Variants in CAST observed in about 807,000 individuals in gnomAD.
The protein encoded by CAST is calpastatin, also known as MIR583 host.
Under a neutral mutation model 119.6 loss-of-function variants are expected in CAST, and 76 were observed. The ratio of observed to expected loss-of-function variants is 0.64; its 90% confidence interval spans 0.53 to 0.77. The LOEUF (loss-of-function observed/expected upper bound fraction) is 0.77. Ranked by LOEUF, CAST falls within the 30% of genes least tolerant of loss-of-function variation. The probability of loss-of-function intolerance (pLI) is 0.00; values close to 1 mark genes in which losing one functional copy is unlikely to be tolerated. For missense variants in CAST, 953 were observed against 946.5 expected (o/e 1.01, Z -0.09); for synonymous variants, 319 against 331.6 (o/e 0.96, Z 0.41).
At chr5:96,664,717 C>A (rs1343885326) in intron 1 of CAST, among the ~76,000 whole-genome samples, 1 of 152,168 alleles carries the variant, frequency 6.6e-6, no homozygotes, top group East Asian at 1.9e-4. Flanking sequence ...ATTTAAAAGT[C>A]AAAATGTCAT....
At chr5:96,569,865 C>T (rs968158966) in intron 1 of CAST, among the ~76,000 whole-genome samples, 2 of 152,190 alleles carry the variant, frequency 1.3e-5, no homozygotes, top group Non-Finnish European at 2.9e-5. Flanking sequence ...CACATTTCTC[C>T]TGTGAGTCAG....
At chr5:96,749,077 T>C (rs1162373137) in intron 19 of CAST, among the ~76,000 whole-genome samples, 1 of 152,230 alleles carries the variant, frequency 6.6e-6, no homozygotes, top group Non-Finnish European at 1.5e-5. Flanking sequence ...CCTACCAAAC[T>C]GTGTCCCTGT....
chr5:96,088,603 C>A, the CAST span, among the ~76,000 whole-genome samples: 4 of 152,186 alleles, frequency 2.6e-5, no homozygotes, highest in Non-Finnish European at 4.4e-5. Context: ...GCAAATCCAT[C>A]AGGGATTTAT....
the CAST span, among the ~76,000 whole-genome samples, chr5:96,216,251 T>C: frequency 4.6e-5 from 7 of 152,154 alleles, no homozygotes; most frequent in Non-Finnish European, 1.0e-4. Flanking sequence ...CAGTTAAGTT[T>C]TGGGGGAGTC....
At chr5:96,014,031 A>AT in the CAST span, among the ~76,000 whole-genome samples, 1 of 152,024 alleles carries the variant, frequency 6.6e-6, no homozygotes, top group Non-Finnish European at 1.5e-5. Context: ...TAAACTTTTA[A>AT]TTTTTTTAAC....
At chr5:96,466,849 T>C in the CAST span, among the ~76,000 whole-genome samples, 1 of 152,126 alleles carries the variant, frequency 6.6e-6, no homozygotes, top group Non-Finnish European at 1.5e-5. Flanking sequence ...GCTGGAGGTA[T>C]AGATTTCTAG....
chr5:96,638,215 G>A (rs1156524266), intron 1 of CAST, among the ~76,000 whole-genome samples: 1 of 151,860 alleles, frequency 6.6e-6, no homozygotes, highest in African/African-American at 2.4e-5. Context: ...AGGTCAGCCT[G>A]GCCAACATTG....
intron 1 of CAST, among the ~76,000 whole-genome samples, chr5:96,570,677 T>C (rs1580829278): frequency 6.6e-6 from 1 of 152,308 alleles, no homozygotes; most frequent in South Asian, 2.1e-4. Flanking sequence ...CCTTGTAGCA[T>C]TTTTCCAAGC....
At chr5:96,264,728 A>G in the CAST span, among the ~76,000 whole-genome samples, 19 of 152,346 alleles carry the variant, frequency 1.2e-4, no homozygotes, top group African/African-American at 3.8e-4. Flanking sequence ...CATAAATAGC[A>G]TACACATGAC....
chr5:96,595,154 A>T (rs995268450), intron 1 of CAST, among the ~76,000 whole-genome samples: 8 of 152,204 alleles, frequency 5.3e-5, no homozygotes, highest in Non-Finnish European at 1.2e-4. Context: ...AGTGCAGAGG[A>T]TCAGAGCTGG....
At chr5:96,712,909 C>G (rs1026835968) in intron 3 of CAST, among the ~76,000 whole-genome samples, 2 of 152,278 alleles carry the variant, frequency 1.3e-5, no homozygotes, top group Admixed American at 1.3e-4. Flanking sequence ...ATGTTTGGCT[C>G]TGTCTTAAGA....
At chr5:96,119,777 T>A in the CAST span, among the ~76,000 whole-genome samples, 2 of 152,166 alleles carry the variant, frequency 1.3e-5, no homozygotes, top group African/African-American at 4.8e-5. Context: ...GTAGTAGATA[T>A]GTGTTATGTA....
intron 2 of CAST, among the ~76,000 whole-genome samples, chr5:96,677,253 G>T (rs183581356): frequency 1.4e-4 from 22 of 152,218 alleles, no homozygotes; most frequent in African/African-American, 4.8e-4. Flanking sequence ...GTTAATTAAG[G>T]TTATTTGCCT....
the CAST span, among the ~76,000 whole-genome samples, chr5:96,182,164 G>A: frequency 6.6e-6 from 1 of 152,094 alleles, no homozygotes; most frequent in Non-Finnish European, 1.5e-5. Flanking sequence ...TTCCTGATAT[G>A]TACTCCATGT....
chr5:96,143,971 G>T, the CAST span, among the ~76,000 whole-genome samples: 1 of 152,080 alleles, frequency 6.6e-6, no homozygotes, highest in Non-Finnish European at 1.5e-5. Context: ...CACTTGAGGG[G>T]CTATTTGTTT....
intron 17 of CAST, among the ~76,000 whole-genome samples, chr5:96,746,970 C>T (rs1561570968): frequency 6.6e-6 from 1 of 152,158 alleles, no homozygotes; most frequent in Non-Finnish European, 1.5e-5. Context: ...TCCAAAAAAA[C>T]TAAACAGTGT....
the CAST span, among the ~76,000 whole-genome samples, chr5:96,382,668 T>C: frequency 6.6e-6 from 1 of 152,212 alleles, no homozygotes; most frequent in Non-Finnish European, 1.5e-5. Context: ...TTCTGGCCTC[T>C]ATCACAGTGT....
In CAST at chr5:96,730,767, C is replaced by G. The variant is rs1760292687; in HGVS notation, c.550-13C>G. On this transcript the variant is annotated splice_polypyrimidine_tract_variant and intron_variant, in intron 8 of 31. Transcript: ENST00000675179. ...TACTTAGCTCTGTCAACCTTTTATC[C>G]TCACTGTCTTAGACTAAACCACAAG... is the stretch of plus-strand genomic sequence containing the variant. The G allele has an allele frequency of 6.2e-7, 1 of 1,603,996 alleles. No homozygotes were observed. Among genetic ancestry groups the G allele is most frequent in the African/African-American group, 1.3e-5 (1 of 74,692 alleles).
At chr5:96,772,254 C>G (rs1214720887) in intron 31 of CAST, 1 of 153,636 alleles carries the variant, frequency 6.5e-6, no homozygotes, top group South Asian at 2.1e-4. Context: ...AGAAACTGGA[C>G]AGATTGAAGG....
Sources: gnomAD v4.1 joint callset for allele counts (sites outside exome capture counted in the v4.1 genomes callset) on GRCh38, gnomAD v4.1.1 for gene constraint, MANE v1.5 for transcripts, NCBI Gene and HGNC (gene_info 2026-07-23, HGNC 2026-07-21) for gene names.